Variants in AMOT observed in about 807,000 individuals in gnomAD.
AMOT encodes angiomotin.
AMOT carries 11 observed loss-of-function variants against 67.0 expected under a neutral mutation model. The ratio of observed to expected loss-of-function variants is 0.16; its 90% CI spans 0.10 to 0.27. The LOEUF (loss-of-function observed/expected upper bound fraction) is 0.27, where lower values mean the gene tolerates loss of function less well. Ranked by LOEUF, AMOT falls within the 10% of genes least tolerant of loss-of-function variation. The pLI is 1.00. For synonymous variants in AMOT, 326 were observed against 321.4 expected, an observed-to-expected ratio of 1.01 and a Z score of -0.15; for missense variants, 753 against 852.0, an observed-to-expected ratio of 0.88 and a Z score of 1.45.
Position 112,791,912 on chromosome X carries a change from C to G in AMOT, c.1846G>C (p.Ala616Pro). ...MQQALVQLQAACEKREQLEHR... is the reference protein window; with the variant it reads ...MQQALVQLQAPCEKREQLEHR... Reference sequence around the variant, plus strand: ...TCTAGCTGCTCACGTTTTTCACATGCTGCCTGGAGCTGTACAAGGGCCTGC... The same window carrying G: ...TCTAGCTGCTCACGTTTTTCACATGGTGCCTGGAGCTGTACAAGGGCCTGC... The change falls in exon 9 of 14, where the codon GCA becomes CCA. Residue 616 changes from alanine (A) to proline (P), a missense_variant. Transcript: ENST00000371959. The G allele has an allele frequency of 8.3e-7, 1 of 1,211,803 alleles. No homozygotes were observed. Among genetic ancestry groups the G allele is most frequent in the Non-Finnish European group, 1.1e-6 (1 of 895,470 alleles).
intron 10 of AMOT, 127 bp from the exon 11 acceptor site, chrX:112,782,789 G>A (rs964133736): frequency 1.1e-6 from 1 of 884,448 alleles, no homozygotes; most frequent in Non-Finnish European, 1.6e-6. Context: ...TGGAACAGAT[G>A]GTTTCTGGGG....
chrX:112,800,289 G>T (rs1933972429), intron 8 of AMOT, among the ~76,000 whole-genome samples: 1 of 111,387 alleles, frequency 9.0e-6, no homozygotes, highest in South Asian at 3.8e-4. Flanking sequence ...AGAAAGAAAA[G>T]AAAAGAAAGA....
chrX:112,791,737 A>C, intron 9 of AMOT, 95 bp downstream of exon 9: 3 of 1,058,898 alleles, frequency 2.8e-6, no homozygotes, highest in Non-Finnish European at 3.9e-6. Flanking sequence ...GTGTGCTTTC[A>C]GTGTTCATGT....
chrX:112,822,625 G>A lies in AMOT; in HGVS notation c.502C>T (p.Gln168Ter), dbSNP rs779962111. ...TCACTCAAGGAACGGACATGCCCTT[G>A]CTTAAGGTCTCTGAGTCCCTCATCT... ...HQDEGLRDLK[Q>*]GHVRSLSERL... is the part of the protein sequence containing the mutation. The change falls in exon 4 of 14, where the codon CAA becomes TAA. Residue 168 changes from glutamine (Q) to a stop codon, truncating the protein, a stop_gained. Coordinates refer to ENST00000371959, the MANE Select transcript of AMOT (RefSeq NM_001113490.2). LOFTEE classifies it high-confidence loss of function. 1 of 1,167,263 alleles carries A rather than the reference G, an allele frequency of 8.6e-7. No homozygotes were observed.
At chrX:112,781,619 T>C (rs2147777543) in intron 11 of AMOT, among the ~76,000 whole-genome samples, 1 of 110,831 alleles carries the variant, frequency 9.0e-6, no homozygotes, top group Non-Finnish European at 1.9e-5. Flanking sequence ...TTTTCTTTTT[T>C]CTGCACACCC....
At chrX:112,823,918 A>G (rs1934776302) in intron 3 of AMOT, among the ~76,000 whole-genome samples, 1 of 111,887 alleles carries the variant, frequency 8.9e-6, no homozygotes, top group South Asian at 3.7e-4. Context: ...GTAGAAGCTT[A>G]AAGGGGAAGC....
At chrX:112,784,056 C>A (rs1448853578) in intron 10 of AMOT, among the ~76,000 whole-genome samples, 1 of 111,734 alleles carries the variant, frequency 8.9e-6, no homozygotes, top group Non-Finnish European at 1.9e-5. Context: ...AAGGTTGAAA[C>A]CATTTATGGA....
At position 112,779,338 on chromosome X, in the gene AMOT, ACAG is replaced by A. The variant is rs1173286414; in HGVS notation, c.2813_2815del (p.Ala938del). 9.7e-6 allele frequency: 8 copies of A among 827,304 alleles called. No individual in the cohort carries two copies. Among genetic ancestry groups the A allele is most frequent in the Non-Finnish European group, 1.4e-5 (8 of 562,767 alleles). 68.2% of individuals were successfully genotyped at this position (827,304 alleles called of 1,213,427 possible). ...AATCTGACCAGCAGCAGCTGGAGAA[ACAG>A]CAGCAGCAGTAGCAGCGGCAGTGGC... On this transcript the variant is annotated inframe_deletion, in exon 13 of 14. Transcript: ENST00000371959.
chrX:112,840,097 T>C (rs1935253141), intron 1 of AMOT, among the ~76,000 whole-genome samples: 1 of 111,434 alleles, frequency 9.0e-6, no homozygotes, highest in African/African-American at 3.3e-5. Flanking sequence ...AGCACTGACA[T>C]GCATGCTGGG....
rs1377939215 is a variant in AMOT, at chrX:112,791,882, G to A, written c.1876C>T (p.Arg626Cys). 6.6e-6 allele frequency: 8 copies of A among 1,211,688 alleles called. No homozygotes were observed. Among genetic ancestry groups the A allele is most frequent in the Admixed American group, 4.3e-5 (2 of 46,035 alleles). The change falls in exon 9 of 14, where the codon CGT (arginine) becomes TGT (cysteine). Residue 626 changes from arginine (R) to cysteine (C), a missense_variant. Around this residue, in one of 5 missense-constraint regions of AMOT, gnomAD observed 66 missense variants for 112.9 expected, o/e 0.58. Transcript: ENST00000371959. ...TCCCTCTCCAGTCGTGTCCGGAGAC[G>A]GTGCTCTAGCTGCTCACGTTTTTCA... is the stretch of plus-strand genomic sequence containing the variant. ...ACEKREQLEHRLRTRLERELE... is the reference protein window; with the variant it reads ...ACEKREQLEHCLRTRLERELE...
At chrX:112,807,471 C>T (rs867781675) in intron 7 of AMOT, among the ~76,000 whole-genome samples, 10 of 109,298 alleles carry the variant, frequency 9.1e-5, no homozygotes, top group South Asian at 8.4e-4. Context: ...AACCAGACCC[C>T]GAGATAAGGC....
chrX:112,811,395 T>A lies in AMOT; in HGVS notation c.1393-2A>T, dbSNP rs1365764722. On this transcript the variant is annotated splice_acceptor_variant, in intron 5 of 13. Coordinates refer to ENST00000371959, the MANE Select transcript of AMOT (RefSeq NM_001113490.2). LOFTEE classifies it high-confidence loss of function. Reference sequence around the variant, plus strand: ...GACGCGCTGGATTTCTGTCTCCACCTTAACAACAAAAAAAGACAATGGTGG... The same window carrying A: ...GACGCGCTGGATTTCTGTCTCCACCATAACAACAAAAAAAGACAATGGTGG... 1.7e-6 allele frequency: 2 copies of A among 1,201,438 alleles called. No individual in the cohort carries two copies. Among genetic ancestry groups the A allele is most frequent in the Non-Finnish European group, 2.2e-6 (2 of 889,522 alleles).
chrX:112,813,733 C>A (rs1934443091), intron 5 of AMOT, among the ~76,000 whole-genome samples: 1 of 111,777 alleles, frequency 8.9e-6, no homozygotes, highest in South Asian at 3.7e-4. Context: ...GGGCTGGGAT[C>A]ACCATGAAGA....
At chrX:112,829,865 C>G (rs1934943335) in intron 2 of AMOT, among the ~76,000 whole-genome samples, 1 of 111,993 alleles carries the variant, frequency 8.9e-6, no homozygotes, top group Non-Finnish European at 1.9e-5. Flanking sequence ...CCACCTCCCT[C>G]TATCTCCCAG....
rs1935264160 is a variant in AMOT, at chrX:112,840,456, G to A, written c.-293C>T. 8.9e-6 allele frequency: 1 copy of A among 112,700 alleles called. No homozygotes were observed. Among genetic ancestry groups the A allele is most frequent in the African/African-American group, 3.2e-5 (1 of 31,022 alleles). 9.3% of individuals were successfully genotyped at this position (112,700 alleles called of 1,213,427 possible). On this transcript the variant is annotated 5_prime_UTR_variant, in exon 1 of 14. Coordinates refer to ENST00000371959, the MANE Select transcript of AMOT (RefSeq NM_001113490.2). ...AAGTAACCACGCGTCTCCTACCCCT[G>A]AAGGCAAAGAAGACAAGGTGACGAC... is the stretch of plus-strand genomic sequence containing the variant.
At chrX:112,836,930 T>C (rs1935145524) in intron 1 of AMOT, among the ~76,000 whole-genome samples, 1 of 109,649 alleles carries the variant, frequency 9.1e-6, no homozygotes, top group African/African-American at 3.3e-5. Context: ...GTAAACCGAG[T>C]TACAGTTGGG....
intron 10 of AMOT, among the ~76,000 whole-genome samples, chrX:112,788,369 T>C (rs1403787836): frequency 2.7e-5 from 3 of 110,343 alleles, no homozygotes; most frequent in African/African-American, 9.9e-5. Flanking sequence ...AGAACCTTGG[T>C]CAATAGCTAC....
In AMOT at chrX:112,777,168, A is replaced by G. The variant is rs1932961167; in HGVS notation, c.*1399T>C. ...ACCCCCCACTTCCCTCACCCTCCCT[A>G]TACCCCTTAAAACTGATCTTAATGA... On this transcript the variant is annotated 3_prime_UTR_variant, in exon 14 of 14. Transcript: ENST00000371959. The G allele has an allele frequency of 9.6e-6, 1 of 104,331 alleles. No individual in the cohort carries two copies. The highest frequency in any genetic ancestry group is 3.5e-5 in the African/African-American group (1 of 28,363). 8.6% of individuals were successfully genotyped at this position (104,331 alleles called of 1,213,427 possible). A position where few individuals can be genotyped will look rare whatever the true frequency, so the allele number is the denominator to read the frequency against.
In AMOT at chrX:112,791,856, T is replaced by C; in HGVS notation, c.1902A>G (p.Glu634=). Residue 634 remains glutamate (E), a synonymous_variant, in exon 9 of 14, where the codon GAA becomes GAG. Transcript: ENST00000371959. ...CCTGCTGGATTCTCAGGGATTCCAG[T>C]TCCCTCTCCAGTCGTGTCCGGAGAC... ...EHRLRTRLER[E]LESLRIQQRQ... is the part of the protein sequence containing the mutation. 8.3e-7 allele frequency: 1 copy of C among 1,212,112 alleles called. No homozygotes were observed. The highest frequency in any genetic ancestry group is 1.7e-5 in the African/African-American group (1 of 57,963).
Sources: gnomAD v4.1 joint callset for allele counts (sites outside exome capture counted in the v4.1 genomes callset) on GRCh38, gnomAD v4.1.1 for gene constraint, gnomAD v4.1.1 regional missense constraint, MANE v1.5 for transcripts, NCBI Gene and HGNC (gene_info 2026-07-23, HGNC 2026-07-21) for gene names.